Variants in NT5C3A observed in about 807,000 individuals in gnomAD.
NT5C3A encodes cytosolic 5'-nucleotidase 3A.
In NT5C3A, 23 loss-of-function variants were observed where a neutral mutation model predicts 40.0. The observed-to-expected ratio is 0.58, with a 90% CI of 0.41 to 0.81. The LOEUF (loss-of-function observed/expected upper bound fraction) is 0.81, where lower values mean the gene tolerates loss of function less well. NT5C3A is among the 40% of genes least tolerant of loss of function. The probability of loss-of-function intolerance (pLI) is 0.00; values close to 1 mark genes in which losing one functional copy is unlikely to be tolerated. For missense variants in NT5C3A, 328 were observed against 403.0 expected (o/e 0.81, Z 1.59); for synonymous variants, 130 against 141.4 (o/e 0.92, Z 0.57).
chr7:33,049,691 C>T (rs1009771301), intron 1 of NT5C3A, among the ~76,000 whole-genome samples: 2 of 151,978 alleles, frequency 1.3e-5, no homozygotes, highest in Middle Eastern at 3.4e-3. Flanking sequence ...GACAACAGGC[C>T]GGGCACAGTG....
chr7:33,035,873 G>T, intron 1 of NT5C3A: 2 of 1,290,562 alleles, frequency 1.5e-6, no homozygotes, highest in Non-Finnish European at 2.3e-6. Context: ...GTTAGAGACA[G>T]AGGTAAAAGT....
At chr7:33,030,179 C>G (rs1786167066) in intron 1 of NT5C3A, among the ~76,000 whole-genome samples, 1 of 152,010 alleles carries the variant, frequency 6.6e-6, no homozygotes, top group South Asian at 2.1e-4. Context: ...TACAATATAG[C>G]CTAAGAAAGA....
intron 1 of NT5C3A, among the ~76,000 whole-genome samples, chr7:33,056,517 T>A (rs12113572): frequency 0.013 from 1,194 of 92,110 alleles, 8 homozygotes; most frequent in African/African-American, 0.031. Flanking sequence ...AAAAAAAAAA[T>A]TTAACTTAGC....
At chr7:33,060,621 T>C (rs1209532788) in intron 1 of NT5C3A, among the ~76,000 whole-genome samples, 1 of 152,188 alleles carries the variant, frequency 6.6e-6, no homozygotes, top group Non-Finnish European at 1.5e-5. Context: ...TTGGTTTTCT[T>C]AGCCAGTTAG....
At chr7:33,016,530 T>G (rs12154853) in intron 7 of NT5C3A, among the ~76,000 whole-genome samples, 115,179 of 150,994 alleles carry the variant, frequency 0.76, 44,323 homozygotes, top group African/African-American at 0.86. Context: ...TTAGCTGGGC[T>G]TGGTGGCACG....
chr7:33,034,269 T>G (rs1786459606), intron 1 of NT5C3A, among the ~76,000 whole-genome samples: 1 of 152,280 alleles, frequency 6.6e-6, no homozygotes, highest in South Asian at 2.1e-4. Context: ...AAAAAAAATC[T>G]TTTGGCTTGT....
intron 1 of NT5C3A, among the ~76,000 whole-genome samples, chr7:33,052,313 G>C (rs986415629): frequency 4.0e-5 from 6 of 151,680 alleles, no homozygotes; most frequent in Non-Finnish European, 7.4e-5. Flanking sequence ...GTGAAACCTC[G>C]TCTCTACTAA....
intron 1 of NT5C3A, among the ~76,000 whole-genome samples, chr7:33,052,937 C>T (rs1056270351): frequency 1.7e-4 from 26 of 152,118 alleles, no homozygotes; most frequent in Admixed American, 7.9e-4. Context: ...CTTTGAGTAC[C>T]ATTGGTGTAA....
Position 33,021,304 on chromosome 7 carries a change from A to G in NT5C3A, c.408T>C (p.Thr136=), listed in dbSNP as rs72555744. Residue 136 remains threonine, a synonymous_variant, in exon 5 of 9, where the codon ACT becomes ACC. Coordinates refer to ENST00000610140, the MANE Select transcript of NT5C3A (RefSeq NM_001002010.5). The part of the protein sequence containing the change: ...YYAIEVDPVL[T]VEEKYPYMVE... ...CCATATAAGGGTACTTCTCTTCTAC[A>G]GTAAGAACAGGATCAACTTCAATAG... is the stretch of plus-strand genomic sequence containing the variant. The G allele has an allele frequency of 3.6e-3, 5,858 of 1,612,370 alleles. 192 individuals are homozygous for G. The African/African-American group carries it at 0.07, about 19-fold the overall frequency.
chr7:33,059,820 T>C (rs1414412731), intron 1 of NT5C3A, among the ~76,000 whole-genome samples: 3 of 152,256 alleles, frequency 2.0e-5, no homozygotes, highest in East Asian at 3.8e-4. Flanking sequence ...TCCATACCTG[T>C]TGCTAGTGCC....
chr7:33,026,588 T>C (rs1785948402), intron 2 of NT5C3A, among the ~76,000 whole-genome samples: 1 of 151,664 alleles, frequency 6.6e-6, no homozygotes, highest in Non-Finnish European at 1.5e-5. Context: ...ACTCCTGACC[T>C]CAGCCTTGTC....
intron 1 of NT5C3A, among the ~76,000 whole-genome samples, chr7:33,040,038 C>A (rs1348356865): frequency 3.3e-5 from 5 of 152,114 alleles, no homozygotes; most frequent in African/African-American, 4.8e-5. Flanking sequence ...CACATGGAAA[C>A]TAAGTAATTT....
intron 1 of NT5C3A, chr7:33,029,162 T>C (rs1786108068): frequency 6.5e-6 from 1 of 153,032 alleles, no homozygotes; most frequent in African/African-American, 2.4e-5. Flanking sequence ...CTCAACTGGA[T>C]GAGTTTCAAT....
chr7:33,019,626 G>A lies in NT5C3A; in HGVS notation c.530+9C>T. ...AACAATAACAGCAAAAAACATCCAAGAAACTTACTTGAGCATAACGTCAGA... is the reference window on the plus strand; with the variant it reads ...AACAATAACAGCAAAAAACATCCAAAAAACTTACTTGAGCATAACGTCAGA... On this transcript the variant is annotated intron_variant, in intron 6 of 8. Coordinates refer to ENST00000610140, the MANE Select transcript of NT5C3A (RefSeq NM_001002010.5). 1 of 1,535,748 alleles carries A rather than the reference G, an allele frequency of 6.5e-7. No homozygotes were observed. Among genetic ancestry groups the A allele is most frequent in the South Asian group, 1.1e-5 (1 of 89,464 alleles).
chr7:33,033,439 T>C (rs1786394001), intron 1 of NT5C3A, among the ~76,000 whole-genome samples: 1 of 152,212 alleles, frequency 6.6e-6, no homozygotes, highest in Non-Finnish European at 1.5e-5. Flanking sequence ...CCAAATTCTT[T>C]CATTCCTTCA....
At chr7:33,029,317 A>G (rs1213750294) in intron 1 of NT5C3A, 2 of 207,802 alleles carry the variant, frequency 9.6e-6, no homozygotes, top group South Asian at 7.4e-5. Context: ...TGTGCCACAC[A>G]CTCTTGCTAA....
rs745326343 is a variant in NT5C3A at position 33,027,575 on chromosome 7, G to A, written c.139-660C>T. Reference sequence around the variant, plus strand: ...TAAAAACTGCCTGGAGTTCAACTACGTGAAGATAAACAAGTAACATTTAAA... The same window carrying A: ...TAAAAACTGCCTGGAGTTCAACTACATGAAGATAAACAAGTAACATTTAAA... On this transcript the variant is annotated intron_variant, in intron 1 of 8. Transcript: ENST00000610140. Among the ~76,000 whole-genome samples, 66 of 152,192 alleles carry A rather than the reference G, an allele frequency of 4.3e-4. 1 individual carries two copies. Among genetic ancestry groups the A allele is most frequent in the Non-Finnish European group, 1.0e-4 (7 of 68,002 alleles).
At chr7:33,044,227 T>C (rs1787048371) in intron 1 of NT5C3A, among the ~76,000 whole-genome samples, 1 of 152,030 alleles carries the variant, frequency 6.6e-6, no homozygotes, top group Non-Finnish European at 1.5e-5. Flanking sequence ...AACCAAACTA[T>C]ATCAGGCTGT....
intron 7 of NT5C3A, among the ~76,000 whole-genome samples, chr7:33,016,675 A>AC (rs1343620171): frequency 6.6e-6 from 1 of 151,670 alleles, no homozygotes; most frequent in African/African-American, 2.4e-5. Context: ...CTCTCAAAAA[A>AC]AAAAAAAAAA....
Sources: allele counts gnomAD v4.1 joint callset (sites outside exome capture counted in the v4.1 genomes callset), GRCh38; gene constraint gnomAD v4.1.1; transcripts MANE v1.5; gene names NCBI Gene and HGNC (gene_info 2026-07-23, HGNC 2026-07-21).